The following STAP1 variants were observed in gnomAD, a reference collection of about 807,000 sequenced individuals.
STAP1 encodes the protein signal transducing adaptor family member 1, also known as signal-transducing adaptor protein 1.
A neutral mutation model predicts 37.8 loss-of-function variants in STAP1; 30 were observed. That is an observed-to-expected ratio of 0.79 (90% CI 0.59 to 1.08). The LOEUF (loss-of-function observed/expected upper bound fraction) is 1.08, where lower values mean the gene tolerates loss of function less well. Among genes scored for constraint, STAP1 ranks in the 50% least tolerant of loss-of-function variants. The pLI is 0.00. For missense variants in STAP1, 357 were observed against 349.4 expected, an observed-to-expected ratio of 1.02 and a Z score of -0.17; for synonymous variants, 130 against 116.0, an observed-to-expected ratio of 1.12 and a Z score of -0.78.
chr4:67,565,508 G>A (rs1727445633), intron 1 of STAP1, among the ~76,000 whole-genome samples: 1 of 152,138 alleles, frequency 6.6e-6, no homozygotes, highest in African/African-American at 2.4e-5. Flanking sequence ...AGTATTATGT[G>A]GCTAATAAAA....
chr4:67,583,891 T>C (rs960506625), intron 6 of STAP1, among the ~76,000 whole-genome samples, 189 bp downstream of exon 6: 3 of 151,786 alleles, frequency 2.0e-5, no homozygotes, highest in African/African-American at 7.3e-5. Flanking sequence ...AAGGTCAGGA[T>C]ATCGAGACTA....
chr4:67,592,837 C>T lies in STAP1; in HGVS notation c.730-423C>T, dbSNP rs182331176. On this transcript the variant is annotated intron_variant, in intron 7 of 8. Coordinates refer to ENST00000265404, the MANE Select transcript of STAP1 (RefSeq NM_012108.4). The stretch of plus-strand genomic sequence containing the variant: ...CAGCTGGCACTACAGGTGTAAGCTA[C>T]CACACCTAGCTAATTTTTTCAATTT... Among the ~76,000 whole-genome samples, 492 of 152,238 alleles carry T rather than the reference C, an allele frequency of 3.2e-3. 2 individuals are homozygous for T. The highest frequency in any genetic ancestry group is 4.9e-3 in the Non-Finnish European group (331 of 68,002).
intron 8 of STAP1, among the ~76,000 whole-genome samples, 155 bp from the exon 9 acceptor site, chr4:67,606,141 G>A (rs1334578038): frequency 6.6e-6 from 1 of 152,146 alleles, no homozygotes; most frequent in Non-Finnish European, 1.5e-5. Context: ...ATTTAAAAAA[G>A]CATCTGAATA....
intron 2 of STAP1, among the ~76,000 whole-genome samples, chr4:67,572,106 C>T (rs748023200): frequency 1.2e-4 from 18 of 152,192 alleles, no homozygotes; most frequent in Non-Finnish European, 1.8e-4. Context: ...CTTCAGACAG[C>T]CTGCCTGGGT....
At chr4:67,569,917 G>A (rs1176522719) in intron 1 of STAP1, among the ~76,000 whole-genome samples, 1 of 152,148 alleles carries the variant, frequency 6.6e-6, no homozygotes, top group Non-Finnish European at 1.5e-5. Context: ...TTTAGGTAGA[G>A]ATGGGGTTTT....
intron 2 of STAP1, among the ~76,000 whole-genome samples, chr4:67,574,134 TATAA>T (rs1727668478): frequency 1.3e-5 from 2 of 152,112 alleles, no homozygotes; most frequent in Non-Finnish European, 2.9e-5. Context: ...ATAAACTTGT[TATAA>T]ATATTACTGA....
At chr4:67,585,445 A>T (rs1316184399) in intron 6 of STAP1, among the ~76,000 whole-genome samples, 1 of 152,218 alleles carries the variant, frequency 6.6e-6, no homozygotes, top group African/African-American at 2.4e-5. Context: ...TTGCCAGTAA[A>T]CAGATCCTTG....
intron 1 of STAP1, among the ~76,000 whole-genome samples, chr4:67,569,968 G>A (rs1439491553): frequency 1.3e-5 from 2 of 151,992 alleles, no homozygotes; most frequent in East Asian, 1.9e-4. Context: ...TGGCCTCAAG[G>A]GAGTCGCCCA....
intron 7 of STAP1, among the ~76,000 whole-genome samples, chr4:67,592,881 G>T (rs553460852): frequency 6.6e-6 from 1 of 152,074 alleles, no homozygotes. Context: ...ACAGGATCTC[G>T]CTATGTTGCT....
intron 2 of STAP1, among the ~76,000 whole-genome samples, chr4:67,573,977 TAG>T (rs985240243): frequency 6.6e-6 from 1 of 152,110 alleles, no homozygotes; most frequent in African/African-American, 2.4e-5. Context: ...CCGTTGCATA[TAG>T]AGAGTGGAAA....
chr4:67,597,741 C>T (rs944639665), intron 8 of STAP1, among the ~76,000 whole-genome samples: 2 of 152,204 alleles, frequency 1.3e-5, no homozygotes, highest in Non-Finnish European at 2.9e-5. Context: ...TTCAAGCTTG[C>T]ATGGATCCCG....
chr4:67,598,093 G>A (rs566222659), intron 8 of STAP1, among the ~76,000 whole-genome samples: 63 of 152,290 alleles, frequency 4.1e-4, no homozygotes, highest in African/African-American at 9.9e-4. Context: ...GGAGGGATCT[G>A]GTGGGAGGTG....
Position 67,588,074 on chromosome 4 carries a change from T to G in STAP1, c.660-2810T>G, listed in dbSNP as rs560801440. On this transcript the variant is annotated intron_variant, in intron 6 of 8. Coordinates refer to ENST00000265404, the MANE Select transcript of STAP1 (RefSeq NM_012108.4). ...AAAAAAAAAAAAAAAAAGACTTGCT[T>G]CTTCTGTTTTGAGGTCAGCATCAGG... Among the ~76,000 whole-genome samples the G allele has an allele frequency of 2.7e-5, 4 of 149,898 alleles. 1 individual carries two copies. Among genetic ancestry groups the G allele is most frequent in the South Asian group, 4.2e-4 (2 of 4,748 alleles).
chr4:67,583,568 C>T lies in STAP1; in HGVS notation c.531-6C>T, dbSNP rs1482399607. On this transcript the variant is annotated splice_region_variant and splice_polypyrimidine_tract_variant and intron_variant, in intron 5 of 8. Coordinates refer to ENST00000265404, the MANE Select transcript of STAP1 (RefSeq NM_012108.4). ...ACAATTCTGTTTTTTTATCTCACCT[C>T]TGTAGATGTTTTTATACAGTGTCCC... is the stretch of plus-strand genomic sequence containing the variant. 2 of 1,602,596 alleles carry T rather than the reference C, an allele frequency of 1.2e-6. No individual in the cohort carries two copies. Among genetic ancestry groups the T allele is most frequent in the African/African-American group, 1.3e-5 (1 of 74,154 alleles).
At chr4:67,560,945 G>A (rs1384347108) in intron 1 of STAP1, among the ~76,000 whole-genome samples, 2 of 152,220 alleles carry the variant, frequency 1.3e-5, no homozygotes, top group African/African-American at 2.4e-5. Context: ...CTCTGAGTTA[G>A]ACCACTAAGT....
intron 3 of STAP1, among the ~76,000 whole-genome samples, chr4:67,576,325 T>G (rs544066434): frequency 6.6e-6 from 1 of 152,322 alleles, no homozygotes; most frequent in South Asian, 2.1e-4. Context: ...TGTTTATTAT[T>G]TATCATTCCT....
intron 6 of STAP1, among the ~76,000 whole-genome samples, chr4:67,585,810 T>G (rs964912938): frequency 2.6e-5 from 4 of 152,254 alleles, no homozygotes; most frequent in African/African-American, 9.6e-5. Context: ...GAATAATTTG[T>G]AGGAGAAAAG....
At chr4:67,574,147 G>A (rs1727668646) in intron 2 of STAP1, among the ~76,000 whole-genome samples, 1 of 152,004 alleles carries the variant, frequency 6.6e-6, no homozygotes, top group Non-Finnish European at 1.5e-5. Context: ...AAATATTACT[G>A]ATATGAACAA....
intron 1 of STAP1, among the ~76,000 whole-genome samples, chr4:67,569,091 T>G (rs1451017446): frequency 6.6e-6 from 1 of 152,242 alleles, no homozygotes; most frequent in Non-Finnish European, 1.5e-5. Flanking sequence ...ATTACACACC[T>G]AGGCTATATG....
Sources: gnomAD v4.1 joint callset for allele counts (sites outside exome capture counted in the v4.1 genomes callset) on GRCh38, gnomAD v4.1.1 for gene constraint, MANE v1.5 for transcripts, NCBI Gene and HGNC (gene_info 2026-07-23, HGNC 2026-07-21) for gene names.